Variants in MAP2K1 observed in about 807,000 individuals in gnomAD.
MAP2K1 encodes dual specificity mitogen-activated protein kinase kinase 1.
In MAP2K1, 16 loss-of-function variants were observed where a neutral mutation model predicts 46.3. The ratio of observed to expected loss-of-function variants is 0.35; its 90% CI spans 0.23 to 0.52. The LOEUF is 0.52. Among genes scored for constraint, MAP2K1 ranks in the 20% least tolerant of loss-of-function variants. The probability of loss-of-function intolerance (pLI) is 0.94; values close to 1 mark genes in which losing one functional copy is unlikely to be tolerated. For missense variants in MAP2K1, 263 were observed against 497.1 expected (o/e 0.53, Z 4.48); for synonymous variants, 183 against 185.6 (o/e 0.99, Z 0.11).
chr15:66,475,837 A>G (rs746933066), intron 5 of MAP2K1, among the ~76,000 whole-genome samples: 4 of 152,178 alleles, frequency 2.6e-5, no homozygotes, highest in Non-Finnish European at 5.9e-5. Context: ...TGATGGTGAC[A>G]ATCCCTGTGT....
chr15:66,397,178 G>T (rs1023410121), intron 1 of MAP2K1, among the ~76,000 whole-genome samples: 3 of 150,802 alleles, frequency 2.0e-5, no homozygotes, highest in African/African-American at 7.3e-5. Flanking sequence ...CTAATTTTTT[G>T]TATTTTTAGT....
chr15:66,491,194 CATG>C lies in MAP2K1; in HGVS notation c.*582_*584del, dbSNP rs1209251101. 3.8e-6 allele frequency: 1 copy of C among 261,992 alleles called. No individual in the cohort carries two copies. The highest frequency in any genetic ancestry group is 4.8e-5 in the Admixed American group (1 of 20,974). The allele number at this position is 261,992 out of a possible 1,614,324, so 16.2% of individuals were successfully genotyped here. A position where few individuals can be genotyped will look rare whatever the true frequency, so the allele number is the denominator to read the frequency against. On this transcript the variant is annotated 3_prime_UTR_variant, in exon 11 of 11. Coordinates refer to ENST00000307102, the MANE Select transcript of MAP2K1 (RefSeq NM_002755.4). Reference sequence around the variant, plus strand: ...AAATCTAGCCAGAGCCCTTCACTGCCATGATAGCTGGGGCTTCACCAGTCTGTC... The same window carrying C: ...AAATCTAGCCAGAGCCCTTCACTGCCATAGCTGGGGCTTCACCAGTCTGTC...
chr15:66,428,194 G>A (rs2093464476), intron 1 of MAP2K1, among the ~76,000 whole-genome samples: 2 of 151,616 alleles, frequency 1.3e-5, no homozygotes, highest in African/African-American at 2.4e-5. Context: ...CAAGAACAGG[G>A]CATTACTAGC....
intron 1 of MAP2K1, among the ~76,000 whole-genome samples, chr15:66,400,217 TCTCA>T (rs2093378115): frequency 1.3e-5 from 2 of 151,986 alleles, no homozygotes; most frequent in South Asian, 4.1e-4. Context: ...TAAGACAGGT[TCTCA>T]CTCTGTTGCC....
chr15:66,402,606 C>A (rs2093384881), intron 1 of MAP2K1, among the ~76,000 whole-genome samples: 1 of 152,062 alleles, frequency 6.6e-6, no homozygotes, highest in Admixed American at 6.6e-5. Context: ...CTTAATAATT[C>A]TCTTGCGTCC....
At chr15:66,447,517 C>A (rs1294982430) in intron 5 of MAP2K1, among the ~76,000 whole-genome samples, 1 of 151,150 alleles carries the variant, frequency 6.6e-6, no homozygotes, top group Non-Finnish European at 1.5e-5. Flanking sequence ...ATGGTGAAAC[C>A]CCGTCTCCAC....
intron 1 of MAP2K1, among the ~76,000 whole-genome samples, chr15:66,403,705 CGTT>C (rs1167044194): frequency 6.6e-6 from 1 of 152,108 alleles, no homozygotes; most frequent in African/African-American, 2.4e-5. Context: ...ATGAGTCAAT[CGTT>C]GTTTTACAGG....
chr15:66,392,733 A>G (rs768523414), intron 1 of MAP2K1, among the ~76,000 whole-genome samples: 1 of 148,186 alleles, frequency 6.7e-6, no homozygotes, highest in Admixed American at 6.7e-5. Context: ...TTGTATTTTT[A>G]GTAGAGACAG....
chr15:66,425,000 T>TC (rs2140562110), intron 1 of MAP2K1, among the ~76,000 whole-genome samples: 1 of 152,096 alleles, frequency 6.6e-6, no homozygotes, highest in African/African-American at 2.4e-5. Flanking sequence ...TTCTCCATGT[T>TC]CGTCAGGCTG....
chr15:66,436,144 A>G (rs895165549), intron 2 of MAP2K1, among the ~76,000 whole-genome samples: 2 of 152,056 alleles, frequency 1.3e-5, no homozygotes, highest in African/African-American at 4.8e-5. Flanking sequence ...TCTAGCTTTT[A>G]CCAGGTGCCC....
chr15:66,396,456 G>A (rs1187543966), intron 1 of MAP2K1, among the ~76,000 whole-genome samples: 1 of 151,728 alleles, frequency 6.6e-6, no homozygotes, highest in Non-Finnish European at 1.5e-5. Flanking sequence ...TTTTAGTAGA[G>A]ACAGGATTTC....
At position 66,490,781 on chromosome 15, in the gene MAP2K1, C is replaced by T; in HGVS notation, c.*166C>T. ...TCTACTCTTGTCATTTTTAATATTA[C>T]TGTCTTTATTCTTATTACTATTATT... On this transcript the variant is annotated 3_prime_UTR_variant, in exon 11 of 11. Coordinates refer to ENST00000307102, the MANE Select transcript of MAP2K1 (RefSeq NM_002755.4). The T allele has an allele frequency of 2.9e-6, 2 of 700,686 alleles. No homozygotes were observed. The highest frequency in any genetic ancestry group is 2.6e-6 in the Non-Finnish European group (1 of 383,380). The allele number at this position is 700,686 out of a possible 1,614,324, so 43.4% of individuals were successfully genotyped here.
At chr15:66,472,510 C>A (rs1308926878) in intron 5 of MAP2K1, among the ~76,000 whole-genome samples, 1 of 152,118 alleles carries the variant, frequency 6.6e-6, no homozygotes, top group African/African-American at 2.4e-5. Flanking sequence ...GTGCCCAGAC[C>A]TATGAGATCA....
chr15:66,423,708 A>G (rs2093449635), intron 1 of MAP2K1, among the ~76,000 whole-genome samples: 1 of 150,040 alleles, frequency 6.7e-6, no homozygotes, highest in South Asian at 2.1e-4. Context: ...CCCAGGTTCA[A>G]GTGTTTCTTC....
intron 4 of MAP2K1, 94 bp from the exon 5 acceptor site, chr15:66,444,562 A>G (rs1211671966): frequency 2.1e-6 from 2 of 964,914 alleles, no homozygotes; most frequent in Middle Eastern, 4.2e-4. Context: ...TGTGATGATG[A>G]TAAATGAAGT....
chr15:66,396,076 G>C (rs552626102), intron 1 of MAP2K1, among the ~76,000 whole-genome samples: 1 of 151,750 alleles, frequency 6.6e-6, no homozygotes, highest in Admixed American at 6.6e-5. Context: ...GCGCGATCTC[G>C]CCTCAGTGCA....
At chr15:66,459,844 A>C (rs1892272644) in intron 5 of MAP2K1, among the ~76,000 whole-genome samples, 1 of 152,172 alleles carries the variant, frequency 6.6e-6, no homozygotes, top group Non-Finnish European at 1.5e-5. Context: ...TGTTTGTAGC[A>C]GACTCACACG....
intron 1 of MAP2K1, chr15:66,401,946 A>G (rs1360648678): frequency 7.4e-7 from 1 of 1,342,804 alleles, no homozygotes; most frequent in East Asian, 3.7e-5. Context: ...GAAGCTGGAG[A>G]GGTAGGCTGA....
Position 66,489,688 on chromosome 15 carries a change from C to T in MAP2K1, c.1023-30C>T, listed in dbSNP as rs770477521. On this transcript the variant is annotated intron_variant, in intron 9 of 10. Coordinates refer to ENST00000307102, the MANE Select transcript of MAP2K1 (RefSeq NM_002755.4). ...TTGAGCTAGAACCAGTGCCAGGCAA[C>T]AGCTCTTACCTTGTCTTTCTTCCTT... 9.5e-6 allele frequency: 15 copies of T among 1,586,296 alleles called. No homozygotes were observed. The South Asian group carries it at 1.3e-4, about 14-fold the overall frequency.
Sources: allele counts gnomAD v4.1 joint callset (sites outside exome capture counted in the v4.1 genomes callset), GRCh38; gene constraint gnomAD v4.1.1; transcripts MANE v1.5; gene names NCBI Gene and HGNC (gene_info 2026-07-23, HGNC 2026-07-21).